The following NRXN3 variants were observed in gnomAD, a reference collection of about 807,000 sequenced individuals.
The protein encoded by NRXN3 is neurexin III.
Under a neutral mutation model 137.6 loss-of-function variants are expected in NRXN3, and 32 were observed. The ratio of observed to expected loss-of-function variants is 0.23; its 90% CI spans 0.18 to 0.31. The LOEUF (loss-of-function observed/expected upper bound fraction) is 0.31. Among genes scored for constraint, NRXN3 ranks in the 10% least tolerant of loss-of-function variants. The pLI, the probability that NRXN3 is intolerant of heterozygous loss-of-function variation, is 1.00. For missense variants in NRXN3, 1,574 were observed against 2,062.5 expected (o/e 0.76, Z 4.59); for synonymous variants, 798 against 784.5 (o/e 1.02, Z -0.29).
intron 16 of NRXN3, among the ~76,000 whole-genome samples, chr14:79,632,843 C>T (rs1013740176): frequency 1.3e-5 from 2 of 152,130 alleles, no homozygotes; most frequent in African/African-American, 4.8e-5. Context: ...TGGATCAATT[C>T]TCCATTGGCT....
chr14:79,495,115 A>G (rs753438930), intron 16 of NRXN3, among the ~76,000 whole-genome samples: 15 of 152,174 alleles, frequency 9.9e-5, no homozygotes, highest in Non-Finnish European at 1.6e-4. Flanking sequence ...AAAATCTGCA[A>G]GCAGACACAG....
At chr14:78,309,282 C>T (rs763748931) in intron 4 of NRXN3, among the ~76,000 whole-genome samples, 45 of 150,128 alleles carry the variant, frequency 3.0e-4, no homozygotes, top group East Asian at 5.9e-4. Flanking sequence ...TTTTGAGAAA[C>T]GCTAATAATG....
chr14:78,568,130 A>G (rs1398246154), intron 4 of NRXN3, among the ~76,000 whole-genome samples: 3 of 152,202 alleles, frequency 2.0e-5, no homozygotes, highest in Non-Finnish European at 4.4e-5. Flanking sequence ...AGTGGGGCTC[A>G]TGTTCTGATC....
At chr14:78,892,092 T>C (rs1462787369) in intron 10 of NRXN3, among the ~76,000 whole-genome samples, 1 of 151,922 alleles carries the variant, frequency 6.6e-6, no homozygotes, top group Non-Finnish European at 1.5e-5. Flanking sequence ...ATGGAAATGC[T>C]TGTGCCCCAC....
chr14:79,372,746 G>T (rs934008638), intron 15 of NRXN3, among the ~76,000 whole-genome samples: 1 of 152,064 alleles, frequency 6.6e-6, no homozygotes, highest in Middle Eastern at 3.4e-3. Flanking sequence ...AACATTACTG[G>T]GAAGACAAAT....
intron 4 of NRXN3, among the ~76,000 whole-genome samples, chr14:78,486,425 C>G (rs977802299): frequency 6.6e-6 from 1 of 152,124 alleles, no homozygotes; most frequent in Non-Finnish European, 1.5e-5. Context: ...TGCACTCTGC[C>G]CATTCAGTCT....
At chr14:79,580,749 A>C (rs1181377914) in intron 16 of NRXN3, among the ~76,000 whole-genome samples, 1 of 152,194 alleles carries the variant, frequency 6.6e-6, no homozygotes, top group African/African-American at 2.4e-5. Flanking sequence ...TGGCTTAAAA[A>C]AAAGTCTCCT....
intron 15 of NRXN3, among the ~76,000 whole-genome samples, chr14:79,418,096 A>G (rs2095523659): frequency 6.6e-6 from 1 of 152,166 alleles, no homozygotes; most frequent in Non-Finnish European, 1.5e-5. Flanking sequence ...AAGAACATCC[A>G]AAACCTTCAT....
chr14:79,498,450 C>T (rs1167076855), intron 16 of NRXN3, among the ~76,000 whole-genome samples: 1 of 152,108 alleles, frequency 6.6e-6, no homozygotes, highest in East Asian at 1.9e-4. Flanking sequence ...ACTGTGATAC[C>T]CAGTAGGCAT....
chr14:78,993,320 G>C, intron 15 of NRXN3, among the ~76,000 whole-genome samples: 1 of 152,046 alleles, frequency 6.6e-6, no homozygotes, highest in East Asian at 1.9e-4. Flanking sequence ...GCAAAGAAGG[G>C]GACAGATATG....
At chr14:79,026,950 T>TTATATATATATATATATATA (rs764640398) in intron 15 of NRXN3, among the ~76,000 whole-genome samples, 1 of 135,178 alleles carries the variant, frequency 7.4e-6, no homozygotes, top group African/African-American at 3.0e-5. Flanking sequence ...TATTATAATT[T>TTATATATATATATATATATA]TATATATATA....
intron 4 of NRXN3, among the ~76,000 whole-genome samples, chr14:78,465,143 T>C (rs80162453): frequency 0.015 from 2,290 of 152,178 alleles, 57 homozygotes; most frequent in African/African-American, 0.053. Flanking sequence ...GAATGAGTTT[T>C]GGGCAGGAGA....
At chr14:79,627,895 T>C (rs2098299468) in intron 16 of NRXN3, among the ~76,000 whole-genome samples, 1 of 152,174 alleles carries the variant, frequency 6.6e-6, no homozygotes, top group Non-Finnish European at 1.5e-5. Context: ...TCAATACAAA[T>C]AGTGTCTGTA....
chr14:78,980,219 C>G (rs1221138609), intron 14 of NRXN3, among the ~76,000 whole-genome samples: 6 of 152,208 alleles, frequency 3.9e-5, no homozygotes, highest in Admixed American at 1.3e-4. Context: ...CCTTGGCCCT[C>G]TAAAGGAATG....
intron 15 of NRXN3, among the ~76,000 whole-genome samples, chr14:79,363,795 C>A (rs2093775992): frequency 6.6e-6 from 1 of 152,132 alleles, no homozygotes; most frequent in Non-Finnish European, 1.5e-5. Flanking sequence ...GAGCTTGCAA[C>A]AATAGAATCC....
At chr14:78,768,826 C>T in intron 8 of NRXN3, among the ~76,000 whole-genome samples, 1 of 152,156 alleles carries the variant, frequency 6.6e-6, no homozygotes, top group East Asian at 1.9e-4. Context: ...AGTTTCCATG[C>T]TGTCTCTGGA....
At chr14:78,637,348 GACCTCC>G (rs1391502885) in intron 4 of NRXN3, among the ~76,000 whole-genome samples, 1 of 152,172 alleles carries the variant, frequency 6.6e-6, no homozygotes, top group Non-Finnish European at 1.5e-5. Context: ...TTTTAAGTAT[GACCTCC>G]TGTATGGAAA....
chr14:79,193,872 G>A (rs973858025), intron 15 of NRXN3, among the ~76,000 whole-genome samples: 3 of 152,248 alleles, frequency 2.0e-5, no homozygotes, highest in South Asian at 2.1e-4. Flanking sequence ...TCTGACTAGC[G>A]CTGCCCTACA....
At chr14:79,237,785 A>G (rs2073648833) in intron 15 of NRXN3, among the ~76,000 whole-genome samples, 1 of 152,130 alleles carries the variant, frequency 6.6e-6, no homozygotes, top group South Asian at 2.1e-4. Flanking sequence ...TAAGGACACT[A>G]AGATTTTATT....
Sources: gnomAD v4.1 joint callset for allele counts (sites outside exome capture counted in the v4.1 genomes callset) on GRCh38, gnomAD v4.1.1 for gene constraint, MANE v1.5 for transcripts, NCBI Gene and HGNC (gene_info 2026-07-23, HGNC 2026-07-21) for gene names.